TENM3: variants seen among roughly 807,000 people sequenced by gnomAD.
TENM3 encodes teneurin transmembrane protein 3, also known as teneurin-3.
A neutral mutation model predicts 255.1 loss-of-function variants in TENM3; 63 were observed. The ratio of observed to expected loss-of-function variants is 0.25; its 90% CI spans 0.20 to 0.30. The LOEUF is 0.30. TENM3 is among the 10% of genes least tolerant of loss of function. TENM3 has a pLI of 1.00. For synonymous variants in TENM3, 1,306 were observed against 1,322.3 expected (o/e 0.99, Z 0.27); for missense variants, 2,929 against 3,461.1 (o/e 0.85, Z 3.86).
the TENM3 span, among the ~76,000 whole-genome samples, chr4:181,843,983 G>A: frequency 6.6e-6 from 1 of 152,088 alleles, no homozygotes; most frequent in African/African-American, 2.4e-5. Context: ...TTCCCAAAGT[G>A]CTGGGATTAC....
chr4:182,028,172 C>T, the TENM3 span, among the ~76,000 whole-genome samples: 86 of 152,164 alleles, frequency 5.7e-4, 1 homozygote, highest in African/African-American at 1.8e-3. Context: ...GTTCCAGTTT[C>T]GGATTTCCTC....
At chr4:181,982,558 G>T in the TENM3 span, among the ~76,000 whole-genome samples, 5 of 152,072 alleles carry the variant, frequency 3.3e-5, no homozygotes, top group Non-Finnish European at 7.4e-5. Flanking sequence ...TTCAGTCCCT[G>T]GAGCACCATT....
chr4:182,366,538 G>A (rs1766441747), intron 3 of TENM3, among the ~76,000 whole-genome samples: 1 of 151,720 alleles, frequency 6.6e-6, no homozygotes, highest in Non-Finnish European at 1.5e-5. Flanking sequence ...AATTAACTAG[G>A]GGATACTTCA....
chr4:182,571,155 G>A (rs1295446489), intron 3 of TENM3, among the ~76,000 whole-genome samples: 1 of 152,184 alleles, frequency 6.6e-6, no homozygotes, highest in African/African-American at 2.4e-5. Context: ...TCTTAGACGT[G>A]TAAAGGCCCA....
chr4:182,119,348 C>T, the TENM3 span, among the ~76,000 whole-genome samples: 1 of 152,170 alleles, frequency 6.6e-6, no homozygotes, highest in African/African-American at 2.4e-5. Flanking sequence ...TTAAAACTCA[C>T]AAAAGTGTGA....
At chr4:182,417,441 A>G (rs1335693954) in intron 3 of TENM3, among the ~76,000 whole-genome samples, 1 of 152,244 alleles carries the variant, frequency 6.6e-6, no homozygotes, top group Admixed American at 6.5e-5. Context: ...TAACCCTTTT[A>G]CTATTGTGAA....
the TENM3 span, among the ~76,000 whole-genome samples, chr4:182,045,464 GA>G: frequency 2.0e-5 from 3 of 151,188 alleles, no homozygotes; most frequent in Non-Finnish European, 2.9e-5. Flanking sequence ...ACCTACGAAA[GA>G]ACAGGAACAG....
At position 182,681,954 on chromosome 4, in the gene TENM3, C is replaced by T. The variant is rs1310607916; in HGVS notation, c.1975C>T (p.Leu659Phe). 1 of 1,613,968 alleles carries T rather than the reference C, an allele frequency of 6.2e-7. No individual in the cohort carries two copies. The highest frequency in any genetic ancestry group is 8.5e-7 in the Non-Finnish European group (1 of 1,179,894). Residue 659 changes from leucine (L) to phenylalanine (F), a missense_variant, in exon 11 of 28, where the codon CTT (leucine) becomes TTT (phenylalanine). Physicochemically the swap from Leu to Phe is conservative, Grantham distance 22. This residue lies in a region of TENM3 where 1,608 missense variants were observed against 1,884.4 expected (regional missense o/e 0.85). Transcript: ENST00000511685. ...PDQCSGHGTY[L>F]QESGSCTCDP... ...CCAGTGCTCCGGCCACGGAACGTAT[C>T]TTCAAGAAAGTGGCTCCTGCACGTG... is the stretch of plus-strand genomic sequence containing the variant.
chr4:182,062,009 C>A, the TENM3 span, among the ~76,000 whole-genome samples: 3 of 152,026 alleles, frequency 2.0e-5, no homozygotes, highest in African/African-American at 7.2e-5. Context: ...ATTGTTGGAG[C>A]TTTTTACTTT....
At chr4:182,093,920 T>C in the TENM3 span, among the ~76,000 whole-genome samples, 1 of 152,210 alleles carries the variant, frequency 6.6e-6, no homozygotes, top group Non-Finnish European at 1.5e-5. Context: ...GAAAATGTTT[T>C]AATATATAAT....
chr4:182,256,250 G>A (rs1049783631), intron 1 of TENM3, among the ~76,000 whole-genome samples: 2 of 152,220 alleles, frequency 1.3e-5, no homozygotes, highest in Admixed American at 1.3e-4. Context: ...AAGAAGAATA[G>A]ATGAAATTTG....
rs538133137 is a variant in TENM3, at chr4:182,571,900, A to ATTG, written c.512-29009_512-29007dup. ...GCAATTAGGAATGATAAAACTGTTTATTGTTGTTGTTGTTGTTTTGAGACA... is the reference window on the plus strand; with the variant it reads ...GCAATTAGGAATGATAAAACTGTTTATTGTTGTTGTTGTTGTTGTTTTGAGACA... On this transcript the variant is annotated intron_variant, in intron 3 of 27. Transcript: ENST00000511685. 1.5e-4 allele frequency among the ~76,000 whole-genome samples: 23 copies of ATTG among 152,082 alleles called. No individual in the cohort carries two copies. The East Asian group carries it at 3.7e-3, about 24-fold the overall frequency.
chr4:181,800,432 G>GA, the TENM3 span, among the ~76,000 whole-genome samples: 1 of 152,168 alleles, frequency 6.6e-6, no homozygotes, highest in Non-Finnish European at 1.5e-5. Context: ...AGGAGTTCAA[G>GA]ACCAGCCTGA....
intron 1 of TENM3, among the ~76,000 whole-genome samples, chr4:182,290,285 G>A (rs375577587): frequency 6.6e-6 from 1 of 152,264 alleles, no homozygotes; most frequent in African/African-American, 2.4e-5. Context: ...TCCCCGTACT[G>A]CTTTCAGGGC....
At chr4:182,164,282 A>G (rs1751562708) in intron 1 of TENM3, among the ~76,000 whole-genome samples, 1 of 152,206 alleles carries the variant, frequency 6.6e-6, no homozygotes, top group Non-Finnish European at 1.5e-5. Context: ...CACATTCAGT[A>G]CAGGAAAGGA....
the TENM3 span, among the ~76,000 whole-genome samples, chr4:181,770,211 G>A: frequency 2.0e-5 from 3 of 152,120 alleles, no homozygotes; most frequent in Non-Finnish European, 2.9e-5. Context: ...AGATGGGAAG[G>A]TTGAGGGGTT....
chr4:181,502,886 A>G, the TENM3 span, among the ~76,000 whole-genome samples: 1 of 152,180 alleles, frequency 6.6e-6, no homozygotes, highest in Admixed American at 6.5e-5. Flanking sequence ...GCAAGAGTGA[A>G]CAAACAGCCT....
At chr4:182,048,355 CTT>C in the TENM3 span, among the ~76,000 whole-genome samples, 1 of 151,840 alleles carries the variant, frequency 6.6e-6, no homozygotes, top group African/African-American at 2.4e-5. Flanking sequence ...CCATTTTTTT[CTT>C]TTCTCGTTTT....
At chr4:181,693,190 C>T in the TENM3 span, among the ~76,000 whole-genome samples, 1 of 152,212 alleles carries the variant, frequency 6.6e-6, no homozygotes, top group Non-Finnish European at 1.5e-5. Context: ...ACTATTTTAA[C>T]TGAAAGCGAT....
Sources: gnomAD v4.1 joint callset for allele counts (sites outside exome capture counted in the v4.1 genomes callset) on GRCh38, gnomAD v4.1.1 for gene constraint, gnomAD v4.1.1 regional missense constraint, MANE v1.5 for transcripts, NCBI Gene and HGNC (gene_info 2026-07-23, HGNC 2026-07-21) for gene names.